PCDH7: variants seen among roughly 807,000 people sequenced by gnomAD.
PCDH7 encodes the protein protocadherin 7.
Under a neutral mutation model 58.9 loss-of-function variants are expected in PCDH7, and 17 were observed. The ratio of observed to expected loss-of-function variants is 0.29; its 90% CI spans 0.20 to 0.43. PCDH7 has a LOEUF of 0.43. Ranked by LOEUF, PCDH7 falls within the 20% of genes least tolerant of loss-of-function variation. The probability of loss-of-function intolerance (pLI) is 1.00; values close to 1 mark genes in which losing one functional copy is unlikely to be tolerated. For synonymous variants in PCDH7, 664 were observed against 616.4 expected, an observed-to-expected ratio of 1.08 and a Z score of -1.14; for missense variants, 1,274 against 1,441.0, an observed-to-expected ratio of 0.88 and a Z score of 1.88.
At chr4:31,102,887 T>C (rs986091645) in intron 3 of PCDH7, among the ~76,000 whole-genome samples, 2 of 152,172 alleles carry the variant, frequency 1.3e-5, no homozygotes, top group African/African-American at 4.8e-5. Context: ...TCTAAATGAA[T>C]CACATTCAGT....
In PCDH7 at chr4:30,811,990, C is replaced by T. The variant is rs138690388; in HGVS notation, c.70+87394C>T. ...AGTTAATTCAGACATGCACAAGACG[C>T]GGTCCTCAAATGAAAAGATTTATCA... On this transcript the variant is annotated intron_variant, in intron 1 of 3. Transcript: ENST00000509759. Among the ~76,000 whole-genome samples, 416 of 152,230 alleles carry T rather than the reference C, an allele frequency of 2.7e-3. 1 individual carries two copies. The highest frequency in any genetic ancestry group is 9.5e-3 in the African/African-American group (393 of 41,540).
intron 3 of PCDH7, among the ~76,000 whole-genome samples, chr4:30,964,368 A>G (rs1327398422): frequency 6.6e-6 from 1 of 151,576 alleles, no homozygotes; most frequent in Admixed American, 6.6e-5. Flanking sequence ...CAGCCTCCCG[A>G]GTAGCTGGGA....
intron 1 of PCDH7, among the ~76,000 whole-genome samples, chr4:30,804,072 T>A (rs542300085): frequency 2.0e-5 from 3 of 152,222 alleles, no homozygotes; most frequent in Admixed American, 6.5e-5. Context: ...CTTTTAATAC[T>A]GTTACATTGG....
chr4:30,966,768 A>G (rs916764614), intron 3 of PCDH7, among the ~76,000 whole-genome samples: 3 of 152,118 alleles, frequency 2.0e-5, no homozygotes, highest in African/African-American at 4.8e-5. Context: ...CTCTCCTCAG[A>G]CCATGCATCA....
intron 3 of PCDH7, among the ~76,000 whole-genome samples, chr4:31,099,855 T>G (rs1714672166): frequency 6.6e-6 from 1 of 152,136 alleles, no homozygotes; most frequent in Admixed American, 6.6e-5. Flanking sequence ...TTCGTAGGAA[T>G]GTATTGTGGT....
intron 3 of PCDH7, among the ~76,000 whole-genome samples, chr4:31,064,111 A>G (rs896804478): frequency 2.0e-5 from 3 of 152,030 alleles, no homozygotes; most frequent in Non-Finnish European, 4.4e-5. Context: ...AATAAGTATC[A>G]GCACTGTTTT....
In PCDH7 at chr4:30,721,318, G is replaced by C; in HGVS notation, c.-105G>C. ...CCTCCCTCTCGCTCCTTCCTTTCCGGGAGAGGGGAGAGGACTCGGGGGAGG... is the reference window on the plus strand; with the variant it reads ...CCTCCCTCTCGCTCCTTCCTTTCCGCGAGAGGGGAGAGGACTCGGGGGAGG... On this transcript the variant is annotated 5_prime_UTR_variant, in exon 1 of 2. Transcript: ENST00000361762. This position sits in a 1 kb window ranked among gnomAD's most constrained non-coding sequence, Gnocchi z 6.7. 1 of 1,144,806 alleles carries C rather than the reference G, an allele frequency of 8.7e-7. No homozygotes were observed. The highest frequency in any genetic ancestry group is 1.2e-6 in the Non-Finnish European group (1 of 843,556). 70.9% of individuals were successfully genotyped at this position (1,144,806 alleles called of 1,614,324 possible). A position where few individuals can be genotyped will look rare whatever the true frequency, so the allele number is the denominator to read the frequency against.
At chr4:30,944,825 C>G (rs10015789) in intron 2 of PCDH7, among the ~76,000 whole-genome samples, 6,048 of 152,172 alleles carry the variant, frequency 0.04, 409 homozygotes, top group African/African-American at 0.14. Flanking sequence ...CAATAGTCAA[C>G]AGTTAACTAG....
chr4:31,085,066 G>A (rs565936293), intron 3 of PCDH7, among the ~76,000 whole-genome samples: 1 of 152,234 alleles, frequency 6.6e-6, no homozygotes, highest in Admixed American at 6.5e-5. Flanking sequence ...GGAGACTGGA[G>A]TTTTATTATT....
rs554895687 is a variant in PCDH7, at chr4:30,928,151, C to T, written c.287+7782C>T. On this transcript the variant is annotated intron_variant, in intron 2 of 3. Transcript: ENST00000509759. The stretch of plus-strand genomic sequence containing the variant: ...CCTGTTCAAGGCTGTTCTCAAACTC[C>T]TGGAATCAGGGGATCCTTCCATCTT... 2.0e-5 allele frequency among the ~76,000 whole-genome samples: 3 copies of T among 152,154 alleles called. No homozygotes were observed. The East Asian group carries it at 5.8e-4, about 30-fold the overall frequency.
At chr4:30,964,240 T>G (rs2109463821) in intron 3 of PCDH7, among the ~76,000 whole-genome samples, 1 of 51,074 alleles carries the variant, frequency 2.0e-5, no homozygotes, top group Non-Finnish European at 3.3e-5. Flanking sequence ...ATTTATTTAT[T>G]TATTTATTTA....
intron 1 of PCDH7, among the ~76,000 whole-genome samples, chr4:30,746,122 C>G (rs1717750315): frequency 1.3e-5 from 2 of 152,112 alleles, no homozygotes; most frequent in Admixed American, 1.3e-4. Flanking sequence ...ATCCACTGTG[C>G]CTGGCTAAAG....
downstream of PCDH7, among the ~76,000 whole-genome samples, chr4:30,734,551 T>C (rs1454989664): frequency 6.6e-6 from 1 of 152,170 alleles, no homozygotes; most frequent in Non-Finnish European, 1.5e-5. Context: ...TCTGTATCTT[T>C]AATACACACT....
At chr4:31,063,277 A>G (rs535675358) in intron 3 of PCDH7, among the ~76,000 whole-genome samples, 2 of 152,000 alleles carry the variant, frequency 1.3e-5, no homozygotes, top group South Asian at 2.1e-4. Flanking sequence ...TAGTCAGAAG[A>G]TAACATAACT....
At chr4:30,741,152 A>T (rs1033648404) in intron 1 of PCDH7, among the ~76,000 whole-genome samples, 4 of 152,134 alleles carry the variant, frequency 2.6e-5, no homozygotes, top group African/African-American at 4.8e-5. Context: ...CATTAGAATG[A>T]TTTAAAATTT....
At chr4:30,767,642 A>G (rs1720922027) in intron 1 of PCDH7, among the ~76,000 whole-genome samples, 1 of 152,314 alleles carries the variant, frequency 6.6e-6, no homozygotes, top group East Asian at 1.9e-4. Flanking sequence ...AGGAATCTTT[A>G]GTAGCTCTGC....
chr4:30,933,050 C>A (rs1028843609), intron 2 of PCDH7, among the ~76,000 whole-genome samples: 3 of 148,782 alleles, frequency 2.0e-5, no homozygotes, highest in African/African-American at 5.0e-5. Context: ...TTTTTTGAGA[C>A]AGAGTCTTGC....
intron 1 of PCDH7, among the ~76,000 whole-genome samples, chr4:30,796,017 C>T (rs1724728387): frequency 6.6e-6 from 1 of 152,100 alleles, no homozygotes; most frequent in African/African-American, 2.4e-5. Context: ...ATATTCTCAT[C>T]TCCATTTTCA....
chr4:30,963,005 T>A (rs1463524897), intron 3 of PCDH7, among the ~76,000 whole-genome samples: 1 of 152,094 alleles, frequency 6.6e-6, no homozygotes, highest in East Asian at 1.9e-4. Flanking sequence ...TATTTGCCAA[T>A]CAGAGGAAGT....
Sources: gnomAD v4.1 joint callset for allele counts (sites outside exome capture counted in the v4.1 genomes callset) on GRCh38, gnomAD v4.1.1 for gene constraint, Gnocchi (gnomAD v3.1) non-coding constraint, MANE v1.5 for transcripts, NCBI Gene and HGNC (gene_info 2026-07-23, HGNC 2026-07-21) for gene names.